COL18A1: variants seen among roughly 807,000 people sequenced by gnomAD.
COL18A1 encodes the protein collagen type XVIII alpha 1 chain.
A neutral mutation model predicts 168.0 loss-of-function variants in COL18A1; 133 were observed. That is an observed-to-expected ratio of 0.79 (90% CI 0.69 to 0.91). The LOEUF (loss-of-function observed/expected upper bound fraction) is 0.91. COL18A1 is among the 40% of genes least tolerant of loss of function. The pLI is 0.00. For synonymous variants in COL18A1, 949 were observed against 809.0 expected (o/e 1.17, Z -2.94); for missense variants, 2,126 against 1,925.4 (o/e 1.10, Z -1.95).
intron 2 of COL18A1, among the ~76,000 whole-genome samples, chr21:45,442,367 C>T (rs947155735): frequency 6.6e-6 from 1 of 152,216 alleles, no homozygotes; most frequent in African/African-American, 2.4e-5. Context: ...GTGGGGAGGG[C>T]CCCTCACTCT....
intron 3 of COL18A1, among the ~76,000 whole-genome samples, chr21:45,472,189 C>G (rs983365437): frequency 6.6e-6 from 1 of 152,004 alleles, no homozygotes; most frequent in Non-Finnish European, 1.5e-5. Context: ...ATGCACCCCC[C>G]GCCCGGGCTG....
At chr21:45,470,834 A>G (rs949821400) in intron 3 of COL18A1, among the ~76,000 whole-genome samples, 45 of 152,150 alleles carry the variant, frequency 3.0e-4, no homozygotes, top group African/African-American at 8.9e-4. Context: ...AGAAGACACC[A>G]TGACTTACAA....
intron 40 of COL18A1, 127 bp downstream of exon 40, chr21:45,510,388 G>A (rs2037508148): frequency 1.8e-6 from 2 of 1,107,042 alleles, no homozygotes; most frequent in South Asian, 1.3e-5. Context: ...TGGCGCCTAG[G>A]CTGGCGACTT....
chr21:45,415,615 G>A (rs2123519921), intron 2 of COL18A1, among the ~76,000 whole-genome samples: 1 of 152,340 alleles, frequency 6.6e-6, no homozygotes, highest in Middle Eastern at 3.4e-3. Context: ...AGGCGGCCGG[G>A]GCAGGCCCCG....
At chr21:45,431,585 CA>C (rs1193592731) in intron 2 of COL18A1, among the ~76,000 whole-genome samples, 1 of 150,670 alleles carries the variant, frequency 6.6e-6, no homozygotes, top group East Asian at 2.0e-4. Context: ...CCCTGGGGGT[CA>C]GGGGTGGAGG....
chr21:45,487,295 A>T, intron 16 of COL18A1, 152 bp from the exon 17 acceptor site: 2 of 932,556 alleles, frequency 2.1e-6, no homozygotes, highest in Non-Finnish European at 3.3e-6. Context: ...CCCTGCCACC[A>T]GGTAGACAGT....
chr21:45,503,692 C>T (rs796328828), intron 32 of COL18A1, among the ~76,000 whole-genome samples: 184 of 150,432 alleles, frequency 1.2e-3, no homozygotes, highest in East Asian at 7.0e-3. Flanking sequence ...TGCTAGATGA[C>T]GAGTTAGTGG....
chr21:45,501,335 C>G (rs1352284246), intron 32 of COL18A1, among the ~76,000 whole-genome samples: 1 of 152,014 alleles, frequency 6.6e-6, no homozygotes, highest in Non-Finnish European at 1.5e-5. Flanking sequence ...GAGATCTGAA[C>G]ATCAGGTCTG....
chr21:45,475,927 G>C (rs753819250), intron 5 of COL18A1, among the ~76,000 whole-genome samples: 1 of 152,250 alleles, frequency 6.6e-6, no homozygotes, highest in Non-Finnish European at 1.5e-5. Flanking sequence ...GGGAGCGCGC[G>C]GAAGGCTTTC....
intron 2 of COL18A1, among the ~76,000 whole-genome samples, chr21:45,440,801 G>T (rs951964100): frequency 2.6e-5 from 4 of 152,344 alleles, no homozygotes; most frequent in East Asian, 1.9e-4. Flanking sequence ...GTCGATGCCG[G>T]ACTCCGCCCC....
chr21:45,426,256 C>CT (rs1342417381), intron 2 of COL18A1, among the ~76,000 whole-genome samples: 1 of 152,160 alleles, frequency 6.6e-6, no homozygotes, highest in African/African-American at 2.4e-5. Context: ...AGGCGCCCGC[C>CT]ACCACACCTG....
In COL18A1 at chr21:45,475,479, T is replaced by TCCGGAGACTCTGGCAGCGGGC. The variant is rs1380739283; in HGVS notation, c.743_763dup (p.Gly254_Leu255insProGlyAspSerGlySerGly). ...TTTCCCTTTTCAAACTCCTCAGGCA[T>TCCGGAGACTCTGGCAGCGGGC]CCGGAGACTCTGGCAGCGGGCTCGG... On this transcript the variant is annotated inframe_insertion, in exon 5 of 42. Transcript: ENST00000651438. The TCCGGAGACTCTGGCAGCGGGC allele has an allele frequency of 6.2e-7, 1 of 1,602,754 alleles. No individual in the cohort carries two copies. The highest frequency in any genetic ancestry group is 8.5e-7 in the Non-Finnish European group (1 of 1,176,394).
chr21:45,437,864 ACT>A (rs2034219946), intron 2 of COL18A1, among the ~76,000 whole-genome samples: 2 of 64,486 alleles, frequency 3.1e-5, no homozygotes, highest in Admixed American at 2.7e-4. Flanking sequence ...TCACACTCAC[ACT>A]CAGACACACA....
rs372684121 is a variant in COL18A1, at chr21:45,511,119, G to A, written c.3702G>A (p.Leu1234=). ...CACGGTTTCTCTTCCAGGACGAGCTGCTGTTTCCCAGCTGGGAGGCTCTGT... is the reference window on the plus strand; with the variant it reads ...CACGGTTTCTCTTCCAGGACGAGCTACTGTTTCCCAGCTGGGAGGCTCTGT... ...AVPIVNLKDE[L]LFPSWEALFS... is the part of the protein sequence containing the mutation. The change falls in exon 41 of 42, where the codon CTG becomes CTA. Residue 1234 remains leucine, a synonymous_variant. Transcript: ENST00000651438. The A allele has an allele frequency of 1.6e-4, 254 of 1,566,076 alleles. No individual in the cohort carries two copies. The highest frequency in any genetic ancestry group is 8.3e-4 in the Middle Eastern group (5 of 6,002).
intron 2 of COL18A1, among the ~76,000 whole-genome samples, chr21:45,437,412 TCAGA>T (rs1259068660): frequency 3.9e-5 from 1 of 25,628 alleles, no homozygotes. Context: ...ACACTCACAC[TCAGA>T]CACACAGGCA....
At chr21:45,446,092 A>T (rs1435029361) in intron 2 of COL18A1, among the ~76,000 whole-genome samples, 1 of 152,228 alleles carries the variant, frequency 6.6e-6, no homozygotes, top group Non-Finnish European at 1.5e-5. Flanking sequence ...TAAAATAAAA[A>T]TTTTAATAGC....
rs375723411 is a variant in COL18A1 at position 45,476,485 on chromosome 21, G to C, written c.928+5G>C. Reference sequence around the variant, plus strand: ...CCACGGTGGCTTCGTTAGGAGGTAAGCTCTTTTCTGGATGTGGTGTGTGTG... The same window carrying C: ...CCACGGTGGCTTCGTTAGGAGGTAACCTCTTTTCTGGATGTGGTGTGTGTG... On this transcript the variant is annotated splice_donor_5th_base_variant and intron_variant, in intron 6 of 41. Transcript: ENST00000651438. The C allele has an allele frequency of 5.3e-5, 85 of 1,596,558 alleles. No homozygotes were observed. The highest frequency in any genetic ancestry group is 1.7e-4 in the Middle Eastern group (1 of 6,050).
chr21:45,451,743 GGGGGCACTTCAGACT>G lies in COL18A1; in HGVS notation c.107-16490_107-16476del, dbSNP rs1166130645. ...ATCTCAGGCCTCAAGGCAATAGGGT[GGGGGCACTTCAGACT>G]GGGGCACTCTCCTGTGTCACCCAGG... On this transcript the variant is annotated intron_variant, in intron 2 of 41. Coordinates refer to ENST00000651438, the MANE Select transcript of COL18A1 (RefSeq NM_001379500.1). Among the ~76,000 whole-genome samples the G allele has an allele frequency of 3.9e-5, 6 of 152,280 alleles. No homozygotes were observed. In the East Asian group the frequency reaches 1.2e-3, roughly 29 times the overall value.
rs778198369 is a variant in COL18A1 at position 45,477,462 on chromosome 21, G to A, written c.980G>A (p.Arg327Gln). Residue 327 changes from arginine to glutamine, a missense_variant, in exon 7 of 42, where the codon CGG becomes CAG. Transcript: ENST00000651438. ...GTCTCCACGTGGGACGGGAGTGTCC[G>A]GACCCCTGGGGGCCGCGTGAAAGAG... ...DSVSTWDGSV[R>Q]TPGGRVKEGG... 2.7e-5 allele frequency: 44 copies of A among 1,612,180 alleles called. No individual in the cohort carries two copies. Among genetic ancestry groups the A allele is most frequent in the Admixed American group, 1.3e-4 (8 of 59,846 alleles).
Sources: gnomAD v4.1 joint callset for allele counts (sites outside exome capture counted in the v4.1 genomes callset) on GRCh38, gnomAD v4.1.1 for gene constraint, MANE v1.5 for transcripts, NCBI Gene and HGNC (gene_info 2026-07-23, HGNC 2026-07-21) for gene names.